Variants in PAQR3 observed in about 807,000 individuals in gnomAD.
The protein encoded by PAQR3 is progestin and adipoQ receptor family member 3, also known as Raf kinase trapping to Golgi.
A neutral mutation model predicts 41.7 loss-of-function variants in PAQR3; 39 were observed. That is an observed-to-expected ratio of 0.93 (90% CI 0.72 to 1.22). The LOEUF (loss-of-function observed/expected upper bound fraction) is 1.22. Among genes scored for constraint, PAQR3 ranks in the 50% most tolerant of loss-of-function variants. PAQR3 has a pLI of 0.00. For synonymous variants in PAQR3, 140 were observed against 140.6 expected (o/e 1.00, Z 0.03); for missense variants, 366 against 385.6 (o/e 0.95, Z 0.42).
At chr4:78,888,754 A>G (rs1299907721) in intron 11 of PAQR3, among the ~76,000 whole-genome samples, 1 of 152,200 alleles carries the variant, frequency 6.6e-6, no homozygotes. Flanking sequence ...ATGGGTATTT[A>G]TATTAGATTT....
Position 78,915,258 on chromosome 4 carries a change from A to G in PAQR3, c.*5281T>C, listed in dbSNP as rs1274818847. 6.6e-6 allele frequency: 1 copy of G among 151,918 alleles called. No individual in the cohort carries two copies. The highest frequency in any genetic ancestry group is 2.4e-5 in the African/African-American group (1 of 41,390). 9.4% of individuals were successfully genotyped at this position (151,918 alleles called of 1,614,324 possible). ...AGACTGTTGTCCTCTTGCTGGTGGA[A>G]AATCTAAGGTGGAGCCCACTCTTCT... On this transcript the variant is annotated 3_prime_UTR_variant, in exon 6 of 6. Transcript: ENST00000512733.
intron 3 of PAQR3, among the ~76,000 whole-genome samples, chr4:78,927,737 G>GAA (rs1315767158): frequency 2.0e-5 from 3 of 152,336 alleles, no homozygotes; most frequent in Middle Eastern, 3.4e-3. Flanking sequence ...GGGCTTATGG[G>GAA]ATATGCAGGT....
chr4:78,934,934 T>C (rs866219062), intron 2 of PAQR3, among the ~76,000 whole-genome samples, 187 bp downstream of exon 2: 2 of 152,224 alleles, frequency 1.3e-5, no homozygotes, highest in African/African-American at 4.8e-5. Context: ...TGTAATTTAA[T>C]GGATTTCAAA....
intron 2 of PAQR3, chr4:78,933,339 T>C: frequency 4.4e-6 from 2 of 450,298 alleles, no homozygotes; most frequent in South Asian, 3.1e-5. Context: ...ACAAATACCC[T>C]GGGAAGGTTC....
At chr4:78,895,644 G>A (rs1278679860) in intron 11 of PAQR3, among the ~76,000 whole-genome samples, 1 of 152,104 alleles carries the variant, frequency 6.6e-6, no homozygotes, top group African/African-American at 2.4e-5. Context: ...TGGAAGTTGG[G>A]ATGTAGATGG....
At position 78,926,583 on chromosome 4, in the gene PAQR3, C is replaced by T. The variant is rs771965420; in HGVS notation, c.640G>A (p.Gly214Arg). 2.5e-6 allele frequency: 4 copies of T among 1,613,972 alleles called. No individual in the cohort carries two copies. Among genetic ancestry groups the T allele is most frequent in the Non-Finnish European group, 2.5e-6 (3 of 1,179,936 alleles). ...ACCCAGTGAAGAGTAGGAATCACTC[C>T]ATATCCCGAAACAGAACAAAAGATG... The part of the protein sequence containing the change: ...SIIFCSVSGY[G>R]VIPTLHWVWL... The change falls in exon 4 of 6, where the codon GGA becomes AGA. Residue 214 changes from glycine (G) to arginine (R), a missense_variant. Transcript: ENST00000512733.
chr4:78,920,599 T>A lies in PAQR3; in HGVS notation c.876A>T (p.Thr292=), dbSNP rs1440627873. Residue 292 remains threonine, a synonymous_variant, in exon 6 of 6, where the codon ACA becomes ACT. Coordinates refer to ENST00000512733, the MANE Select transcript of PAQR3 (RefSeq NM_001040202.2). Reference sequence around the variant, plus strand: ...TATGTCTGTACTGCATGACATACACTGTTGACTGATGCCACCAATATAACA... The same window carrying A: ...TATGTCTGTACTGCATGACATACACAGTTGACTGATGCCACCAATATAACA... ...VVMLYWWHQS[T]VYVMQYRHSK... is the part of the protein sequence containing the mutation. 6.2e-7 allele frequency: 1 copy of A among 1,612,042 alleles called. No individual in the cohort carries two copies. Among genetic ancestry groups the A allele is most frequent in the South Asian group, 1.1e-5 (1 of 90,972 alleles).
chr4:78,936,076 A>G (rs539399518), intron 1 of PAQR3, among the ~76,000 whole-genome samples: 1 of 152,270 alleles, frequency 6.6e-6, no homozygotes, highest in Admixed American at 6.5e-5. Flanking sequence ...TCCCCACCCT[A>G]CACAAGTCAC....
In PAQR3 at chr4:78,939,151, G is replaced by A; in HGVS notation, c.74C>T (p.Pro25Leu). ...GSYQYWPVLV[P>L]RGIRLYTYEQ... The stretch of plus-strand genomic sequence containing the variant: ...GTAGGTGTACAGGCGGATGCCACGG[G>A]GCACCAGGACCGGCCAGTACTGGTA... Residue 25 changes from proline (P) to leucine (L), a missense_variant, in exon 1 of 6, where the codon CCC (proline) becomes CTC (leucine). Transcript: ENST00000512733. The A allele has an allele frequency of 6.2e-7, 1 of 1,613,768 alleles. No individual in the cohort carries two copies. The highest frequency in any genetic ancestry group is 2.2e-5 in the East Asian group (1 of 44,790).
At chr4:78,911,111 T>C (rs1231723215), downstream of PAQR3, 16 of 1,613,814 alleles carry the variant, frequency 9.9e-6, no homozygotes, top group Non-Finnish European at 9.3e-6. Context: ...AAACAGGAGT[T>C]TGATGTATTT....
At chr4:78,895,786 G>A (rs1733670301) in intron 11 of PAQR3, among the ~76,000 whole-genome samples, 1 of 152,064 alleles carries the variant, frequency 6.6e-6, no homozygotes, top group Non-Finnish European at 1.5e-5. Flanking sequence ...TTTTGAAACA[G>A]CATTTTGCTT....
chr4:78,915,078 GA>G lies in PAQR3; in HGVS notation c.*5460del, dbSNP rs1016113527. ...GTGGAGGAGGAAAGGTTGTAGGCCG[GA>G]TGAAAATTTAACTGACTAGAACATT... On this transcript the variant is annotated 3_prime_UTR_variant, in exon 6 of 6. Coordinates refer to ENST00000512733, the MANE Select transcript of PAQR3 (RefSeq NM_001040202.2). The G allele has an allele frequency of 4.6e-5, 7 of 151,938 alleles. No homozygotes were observed. Among genetic ancestry groups the G allele is most frequent in the Non-Finnish European group, 8.8e-5 (6 of 67,914 alleles). The allele number at this position is 151,938 out of a possible 1,614,324, so 9.4% of individuals were successfully genotyped here. A position where few individuals can be genotyped will look rare whatever the true frequency, so the allele number is the denominator to read the frequency against.
At chr4:78,921,439 AC>A (rs1397794302) in intron 5 of PAQR3, among the ~76,000 whole-genome samples, 2 of 151,884 alleles carry the variant, frequency 1.3e-5, no homozygotes, top group Non-Finnish European at 2.9e-5. Flanking sequence ...CTTTTTTCTT[AC>A]CAATCAGTAC....
At position 78,923,807 on chromosome 4, in the gene PAQR3, G is replaced by C. The variant is rs377044517; in HGVS notation, c.793+50C>G. On this transcript the variant is annotated intron_variant, in intron 5 of 5. Transcript: ENST00000512733. ...TTGATGCTCTGATGCATATACCTTG[G>C]GCATATATTTAGACTAACAATACAA... 6 of 1,201,428 alleles carry C rather than the reference G, an allele frequency of 5.0e-6. No homozygotes were observed. The African/African-American group carries it at 9.0e-5, about 18-fold the overall frequency. The allele number at this position is 1,201,428 out of a possible 1,614,324, so 74.4% of individuals were successfully genotyped here.
chr4:78,936,041 C>G (rs1389006536), intron 1 of PAQR3, among the ~76,000 whole-genome samples: 1 of 152,130 alleles, frequency 6.6e-6, no homozygotes, highest in Non-Finnish European at 1.5e-5. Context: ...AGAGCGTGTA[C>G]CACCCTGAGT....
chr4:78,915,138 A>G lies in PAQR3; in HGVS notation c.*5401T>C, dbSNP rs544239823. ...AGTGTAATTATTTTCCCTTACCCCA[A>G]TCCCTGTGTACGTGTTGGGTATAGT... On this transcript the variant is annotated 3_prime_UTR_variant, in exon 6 of 6. Transcript: ENST00000512733. 2.0e-5 allele frequency: 3 copies of G among 152,076 alleles called. No homozygotes were observed. The South Asian group carries it at 6.2e-4, about 31-fold the overall frequency. The allele number at this position is 152,076 out of a possible 1,614,324, so 9.4% of individuals were successfully genotyped here. A position where few individuals can be genotyped will look rare whatever the true frequency, so the allele number is the denominator to read the frequency against.
downstream of PAQR3, chr4:78,911,597 G>A (rs1734613475): frequency 6.2e-7 from 1 of 1,613,868 alleles, no homozygotes; most frequent in Admixed American, 1.7e-5. Flanking sequence ...ACTCCAGAGA[G>A]GGCTCGCAGG....
At chr4:78,928,722 G>C (rs988431292) in intron 3 of PAQR3, among the ~76,000 whole-genome samples, 1 of 152,232 alleles carries the variant, frequency 6.6e-6, no homozygotes. Flanking sequence ...ATGGTGCGGG[G>C]AGGCAGGCAG....
At chr4:78,923,291 A>C (rs1578013535) in intron 5 of PAQR3, among the ~76,000 whole-genome samples, 1 of 151,938 alleles carries the variant, frequency 6.6e-6, no homozygotes, top group African/African-American at 2.4e-5. Context: ...TTCGATGTAC[A>C]TATTGTGAAG....
Sources: allele counts gnomAD v4.1 joint callset (sites outside exome capture counted in the v4.1 genomes callset), GRCh38; gene constraint gnomAD v4.1.1; transcripts MANE v1.5; gene names NCBI Gene and HGNC (gene_info 2026-07-23, HGNC 2026-07-21).